DLGAP2: variants seen among roughly 807,000 people sequenced by gnomAD.
DLGAP2 encodes the protein disks large-associated protein 2.
In DLGAP2, 26 loss-of-function variants were observed where a neutral mutation model predicts 100.3. That is an observed-to-expected ratio of 0.26 (90% CI 0.19 to 0.36). The LOEUF is 0.36. Ranked by LOEUF, DLGAP2 falls within the 10% of genes least tolerant of loss-of-function variation. The pLI is 1.00. For missense variants in DLGAP2, 1,858 were observed against 1,453.2 expected (o/e 1.28, Z -4.53); for synonymous variants, 886 against 630.1 (o/e 1.41, Z -6.08).
At chr8:1,306,148 T>G (rs1182034818) in intron 3 of DLGAP2, among the ~76,000 whole-genome samples, 5 of 149,584 alleles carry the variant, frequency 3.3e-5, no homozygotes, top group Non-Finnish European at 7.4e-5. Flanking sequence ...AAAATTGTTA[T>G]TTGCAGATGA....
At chr8:1,215,975 C>T (rs1343864079) in intron 2 of DLGAP2, among the ~76,000 whole-genome samples, 1 of 151,826 alleles carries the variant, frequency 6.6e-6, no homozygotes, top group Non-Finnish European at 1.5e-5. Context: ...GTCCAGGTAC[C>T]TCGATGGGTT....
At chr8:989,076 G>A (rs75074960) in intron 2 of DLGAP2, among the ~76,000 whole-genome samples, 1 of 152,156 alleles carries the variant, frequency 6.6e-6, no homozygotes, top group South Asian at 2.1e-4. Flanking sequence ...TTAAAGCACA[G>A]ATCCCGTCTA....
intron 2 of DLGAP2, among the ~76,000 whole-genome samples, chr8:984,720 T>C (rs1208707139): frequency 6.6e-6 from 1 of 152,248 alleles, no homozygotes; most frequent in Non-Finnish European, 1.5e-5. Flanking sequence ...GATGTACAGC[T>C]ACCCTTATTG....
chr8:830,183 G>A (rs561875233), intron 1 of DLGAP2, among the ~76,000 whole-genome samples: 3 of 152,188 alleles, frequency 2.0e-5, no homozygotes, highest in South Asian at 2.1e-4. Context: ...TGGGTACATA[G>A]TAGATGTATA....
chr8:851,856 C>T lies in DLGAP2; in HGVS notation c.19-56056C>T, dbSNP rs544815982. On this transcript the variant is annotated intron_variant, in intron 1 of 14. Coordinates refer to ENST00000637795, the MANE Select transcript of DLGAP2 (RefSeq NM_001346810.2). Reference sequence around the variant, plus strand: ...CGTGACTGCTGGGTGGCGGGAGCTGCAGGGGGCCCCCGCTGCGTTTCCCTC... The same window carrying T: ...CGTGACTGCTGGGTGGCGGGAGCTGTAGGGGGCCCCCGCTGCGTTTCCCTC... Among the ~76,000 whole-genome samples, 82 of 149,094 alleles carry T rather than the reference C, an allele frequency of 5.5e-4. 1 individual carries two copies. In the South Asian group the frequency reaches 0.017, roughly 30 times the overall value.
chr8:1,655,184 G>A (rs896364493), intron 8 of DLGAP2, among the ~76,000 whole-genome samples: 2 of 152,226 alleles, frequency 1.3e-5, no homozygotes, highest in East Asian at 1.9e-4. Flanking sequence ...ACCATTGTGT[G>A]TATGCTTGTG....
At chr8:966,501 C>T (rs568377819) in intron 2 of DLGAP2, among the ~76,000 whole-genome samples, 7 of 152,312 alleles carry the variant, frequency 4.6e-5, no homozygotes, top group South Asian at 2.1e-4. Context: ...TCCATTTGGT[C>T]TTTGAGAATG....
intron 1 of DLGAP2, among the ~76,000 whole-genome samples, chr8:793,623 C>G (rs1563436237): frequency 6.6e-6 from 1 of 152,182 alleles, no homozygotes; most frequent in Admixed American, 6.5e-5. Flanking sequence ...ACTTCCTGGA[C>G]TTGTTCTTCA....
chr8:1,564,005 C>G (rs1420883976), intron 5 of DLGAP2, among the ~76,000 whole-genome samples: 2 of 152,148 alleles, frequency 1.3e-5, no homozygotes, highest in Non-Finnish European at 2.9e-5. Flanking sequence ...CTGTAAACAG[C>G]ATTTGGGGAG....
chr8:1,116,957 C>T (rs79720868), intron 2 of DLGAP2, among the ~76,000 whole-genome samples: 16,555 of 152,222 alleles, frequency 0.11, 1,028 homozygotes, highest in East Asian at 0.19. Context: ...GCTTCCTCTG[C>T]GGAAGGGAGA....
intron 2 of DLGAP2, among the ~76,000 whole-genome samples, chr8:932,054 T>C (rs191540527): frequency 6.6e-6 from 1 of 152,238 alleles, no homozygotes; most frequent in African/African-American, 2.4e-5. Context: ...CTAGGAAATA[T>C]TGCAGCACAA....
chr8:1,252,865 G>A (rs911094994), intron 2 of DLGAP2, among the ~76,000 whole-genome samples: 1 of 152,214 alleles, frequency 6.6e-6, no homozygotes, highest in African/African-American at 2.4e-5. Flanking sequence ...GAAAGACGTT[G>A]GTGTTTTTCT....
At chr8:1,534,843 G>A (rs188768993) in intron 4 of DLGAP2, among the ~76,000 whole-genome samples, 35 of 152,294 alleles carry the variant, frequency 2.3e-4, no homozygotes, top group Admixed American at 6.5e-4. Flanking sequence ...GTGTGCTTGC[G>A]TGTGTGTGAA....
intron 8 of DLGAP2, among the ~76,000 whole-genome samples, chr8:1,666,107 C>T (rs984127743): frequency 1.3e-5 from 2 of 152,228 alleles, no homozygotes; most frequent in Non-Finnish European, 2.9e-5. Context: ...AGGTCTCTCC[C>T]CGGCACTACT....
rs78168740 is a variant in DLGAP2 at position 1,690,810 on chromosome 8, C to T, written c.2705-725C>T. Among the ~76,000 whole-genome samples, 1,185 of 151,640 alleles carry T rather than the reference C, an allele frequency of 7.8e-3. 23 individuals carry two copies. Among genetic ancestry groups the T allele is most frequent in the African/African-American group, 0.027 (1,111 of 41,336 alleles). ...ATTCTTCCTACTGAACTGTGGCCTGCTGACTCATAGCACACTCAGAAATGT... is the reference window on the plus strand; with the variant it reads ...ATTCTTCCTACTGAACTGTGGCCTGTTGACTCATAGCACACTCAGAAATGT... On this transcript the variant is annotated intron_variant, in intron 12 of 14. Transcript: ENST00000637795.
intron 2 of DLGAP2, among the ~76,000 whole-genome samples, chr8:1,187,806 TCA>T (rs1797543837): frequency 7.7e-6 from 1 of 129,742 alleles, no homozygotes; most frequent in South Asian, 2.4e-4. Context: ...TCATGGAATC[TCA>T]CACGCCCGGG....
chr8:1,568,464 C>A (rs1157862379), intron 6 of DLGAP2, among the ~76,000 whole-genome samples: 1 of 138,358 alleles, frequency 7.2e-6, no homozygotes, highest in South Asian at 2.5e-4. Context: ...GTGCCACTGT[C>A]CACTCAGCAG....
intron 3 of DLGAP2, among the ~76,000 whole-genome samples, chr8:1,350,186 C>CGGGTCCTGAGTGTGCGTGGAAAGGCCGT (rs1563098900): frequency 7.6e-6 from 1 of 130,744 alleles, no homozygotes; most frequent in African/African-American, 2.8e-5. Flanking sequence ...GGAAAGGCCG[C>CGGGTCCTGAGTGTGCGTGGAAAGGCCGT]GCGGGTCCTG....
intron 2 of DLGAP2, among the ~76,000 whole-genome samples, chr8:1,023,527 G>C (rs557157943): frequency 2.0e-5 from 3 of 152,300 alleles, no homozygotes; most frequent in African/African-American, 7.2e-5. Context: ...CAACAAGCGA[G>C]TTACTGAGAA....
Sources: allele counts gnomAD v4.1 joint callset (sites outside exome capture counted in the v4.1 genomes callset), GRCh38; gene constraint gnomAD v4.1.1; transcripts MANE v1.5; gene names NCBI Gene and HGNC (gene_info 2026-07-23, HGNC 2026-07-21).